The following CLPTM1L variants were observed in gnomAD, a reference collection of about 807,000 sequenced individuals.
CLPTM1L encodes CLPTM1 like, also known as lipid scramblase CLPTM1L.
A neutral mutation model predicts 70.9 loss-of-function variants in CLPTM1L; 38 were observed. The ratio of observed to expected loss-of-function variants is 0.54; its 90% CI spans 0.41 to 0.70. CLPTM1L has a LOEUF of 0.70. Among genes scored for constraint, CLPTM1L ranks in the 30% least tolerant of loss-of-function variants. The pLI is 0.00. For missense variants in CLPTM1L, 652 were observed against 705.9 expected (o/e 0.92, Z 0.87); for synonymous variants, 339 against 299.9 (o/e 1.13, Z -1.35).
chr5:1,333,039 T>G (rs1753222086), intron 7 of CLPTM1L, among the ~76,000 whole-genome samples: 1 of 120,732 alleles, frequency 8.3e-6, no homozygotes, highest in Admixed American at 8.7e-5. Flanking sequence ...AAGGGGGGAC[T>G]ACTGTATACA....
At position 1,334,336 on chromosome 5, in the gene CLPTM1L, T is replaced by C; in HGVS notation, c.844A>G (p.Thr282Ala). 6.2e-7 allele frequency: 1 copy of C among 1,613,798 alleles called. No individual in the cohort carries two copies. The highest frequency in any genetic ancestry group is 8.5e-7 in the Non-Finnish European group (1 of 1,179,790). The part of the protein sequence containing the change: ...ADEVKGIFVD[T>A]NLYFLALTFF... The stretch of plus-strand genomic sequence containing the variant: ...GTCAGCGCCAGGAAGTATAAGTTGG[T>C]ATCTACAAAAATTCCTTTCACCTCA... The change falls in exon 7 of 17, where the codon ACC (threonine) becomes GCC (alanine). Residue 282 changes from threonine to alanine, a missense_variant. Transcript: ENST00000320895.
chr5:1,335,533 C>T (rs1479700154), intron 5 of CLPTM1L, among the ~76,000 whole-genome samples: 5 of 152,264 alleles, frequency 3.3e-5, no homozygotes, highest in African/African-American at 9.6e-5. Flanking sequence ...GCGCAGCATA[C>T]GGCGCTGAGC....
chr5:1,344,155 T>A (rs1268712672), intron 2 of CLPTM1L, among the ~76,000 whole-genome samples, 196 bp downstream of exon 2: 1 of 152,202 alleles, frequency 6.6e-6, no homozygotes, highest in African/African-American at 2.4e-5. Flanking sequence ...TAAACGACAT[T>A]CATCACCTGT....
At chr5:1,331,184 A>G (rs1753064719) in intron 8 of CLPTM1L, 1 of 154,280 alleles carries the variant, frequency 6.5e-6, no homozygotes, top group African/African-American at 2.4e-5. Context: ...CCCCTCACTC[A>G]CTTGGGCCCC....
rs1024524701 is a variant in CLPTM1L at position 1,342,975 on chromosome 5, G to A, written c.264-1115C>T. Reference sequence around the variant, plus strand: ...TGGGAGGCCGAGCCGGGCAGATCACGAGGTCAGGAGTTTCAGACCAGCCCA... The same window carrying A: ...TGGGAGGCCGAGCCGGGCAGATCACAAGGTCAGGAGTTTCAGACCAGCCCA... On this transcript the variant is annotated intron_variant, in intron 2 of 16. Coordinates refer to ENST00000320895, the MANE Select transcript of CLPTM1L (RefSeq NM_030782.5). This position sits in a 1 kb window ranked among gnomAD's most constrained non-coding sequence, Gnocchi z 4.3. Among the ~76,000 whole-genome samples, 6 of 152,312 alleles carry A rather than the reference G, an allele frequency of 3.9e-5. No individual in the cohort carries two copies. The highest frequency in any genetic ancestry group is 1.2e-4 in the African/African-American group (5 of 41,576).
intron 4 of CLPTM1L, chr5:1,338,183 G>A (rs1016803784): frequency 1.0e-5 from 6 of 599,374 alleles, no homozygotes; most frequent in African/African-American, 3.7e-5. Flanking sequence ...TGTGAGACCC[G>A]CTCCCCAGGA....
At chr5:1,337,389 G>A (rs1753642811) in intron 5 of CLPTM1L, among the ~76,000 whole-genome samples, 1 of 152,262 alleles carries the variant, frequency 6.6e-6, no homozygotes, top group South Asian at 2.1e-4. Context: ...CCAGAGCCCA[G>A]AGAGCAGCCA....
At chr5:1,337,847 A>C (rs1753674950) in intron 5 of CLPTM1L, 57 bp downstream of exon 5, 38 of 1,383,524 alleles carry the variant, frequency 2.7e-5, no homozygotes, top group Non-Finnish European at 3.8e-5. Context: ...CTGCGGGGCC[A>C]GTCTTGGGGT....
chr5:1,321,772 T>A lies in CLPTM1L; in HGVS notation c.1363A>T (p.Asn455Tyr). 1 of 1,613,948 alleles carries A rather than the reference T, an allele frequency of 6.2e-7. No individual in the cohort carries two copies. Among genetic ancestry groups the A allele is most frequent in the Non-Finnish European group, 8.5e-7 (1 of 1,179,948 alleles). The change falls in exon 14 of 17, where the codon AAC becomes TAC. Residue 455 changes from asparagine (N) to tyrosine (Y), a missense_variant. This residue lies in a region of CLPTM1L where 240 missense variants were observed against 295.0 expected (regional missense o/e 0.81). Transcript: ENST00000320895. ...FLFMLPQLFVNYKLKSVAHLP... is the reference protein window; with the variant it reads ...FLFMLPQLFVYYKLKSVAHLP... ...AGCACACACCGCCTTACCTTGTAGT[T>A]CACAAAGAGCTGGGGCAGCATGAAG...
chr5:1,324,531 G>C (rs1032221282), intron 11 of CLPTM1L, among the ~76,000 whole-genome samples: 1 of 152,196 alleles, frequency 6.6e-6, no homozygotes, highest in Non-Finnish European at 1.5e-5. Context: ...CCTACTATAC[G>C]GTGACACAGG....
At chr5:1,333,723 T>G (rs796710115) in intron 7 of CLPTM1L, among the ~76,000 whole-genome samples, 70 of 54,504 alleles carry the variant, frequency 1.3e-3, no homozygotes, top group Non-Finnish European at 1.4e-3. Flanking sequence ...GACTACTGTA[T>G]ACACACCGGA....
At chr5:1,326,098 A>G (rs1752519640) in intron 9 of CLPTM1L, 1 of 447,146 alleles carries the variant, frequency 2.2e-6, no homozygotes, top group South Asian at 4.1e-5. Context: ...CTCTGCCTGC[A>G]CCCAAATAAG....
rs113203740 is a variant in CLPTM1L at position 1,337,963 on chromosome 5, C to T, written c.619G>A (p.Val207Met). The change falls in exon 5 of 17, where the codon GTG becomes ATG. Residue 207 changes from valine (V) to methionine (M), a missense_variant. This residue lies in a region of CLPTM1L where 402 missense variants were observed against 388.2 expected (regional missense o/e 1.04). Coordinates refer to ENST00000320895, the MANE Select transcript of CLPTM1L (RefSeq NM_030782.5). The part of the protein sequence containing the change: ...YMKMIQLGKT[V>M]HYLPILFIDQ... ...ATGAACAGGATGGGCAGGTAATGCA[C>T]GGTTTTCCCCAGCTGGATCCTGGGA... 27,270 of 1,607,080 alleles carry T rather than the reference C, an allele frequency of 0.017. 305 individuals are homozygous for T. The highest frequency in any genetic ancestry group is 0.047 in the Middle Eastern group (287 of 6,054).
chr5:1,327,514 G>C (rs868623870), intron 9 of CLPTM1L, among the ~76,000 whole-genome samples: 105 of 100,358 alleles, frequency 1.0e-3, no homozygotes, highest in Middle Eastern at 8.3e-3. Context: ...CCTCTACAGG[G>C]ACATTCCATC....
Position 1,342,875 on chromosome 5 carries a change from C to T in CLPTM1L, c.264-1015G>A, listed in dbSNP as rs1754034975. ...AACTGCTGGGATTATAGGCATGAGT[C>T]ACTGTGCCCGGCCTCTCCTTAAAAA... On this transcript the variant is annotated intron_variant, in intron 2 of 16. Coordinates refer to ENST00000320895, the MANE Select transcript of CLPTM1L (RefSeq NM_030782.5). The surrounding 1 kb of genome is among the most constrained non-coding windows in gnomAD (Gnocchi z 4.3). Among the ~76,000 whole-genome samples, 1 of 152,230 alleles carries T rather than the reference C, an allele frequency of 6.6e-6. No individual in the cohort carries two copies.
At chr5:1,334,258 C>T (rs764016911) in intron 7 of CLPTM1L, 31 bp downstream of exon 7, 7 of 1,576,472 alleles carry the variant, frequency 4.4e-6, no homozygotes, top group South Asian at 1.1e-5. Context: ...CCCCCAAGTG[C>T]CTGCGGCAAG....
intron 1 of CLPTM1L, 95 bp downstream of exon 1, chr5:1,344,585 C>G (rs1408325055): frequency 6.8e-7 from 1 of 1,476,954 alleles, no homozygotes. Flanking sequence ...CTCGCGCGGC[C>G]ACAGCTCCGA....
chr5:1,339,996 G>T (rs548982958), intron 3 of CLPTM1L, among the ~76,000 whole-genome samples: 1 of 152,128 alleles, frequency 6.6e-6, no homozygotes, highest in African/African-American at 2.4e-5. Context: ...AGATGGCCAC[G>T]CACAGGCACA....
chr5:1,339,930 C>G (rs1383610851), intron 3 of CLPTM1L, among the ~76,000 whole-genome samples: 2 of 150,908 alleles, frequency 1.3e-5, no homozygotes, highest in African/African-American at 2.4e-5. Flanking sequence ...AACAGATGGC[C>G]ACGCACATGG....
Sources: allele counts gnomAD v4.1 joint callset (sites outside exome capture counted in the v4.1 genomes callset), GRCh38; gene constraint gnomAD v4.1.1; regional missense constraint gnomAD v4.1.1; non-coding constraint Gnocchi (gnomAD v3.1); transcripts MANE v1.5; gene names NCBI Gene and HGNC (gene_info 2026-07-23, HGNC 2026-07-21).